MAGI1: variants seen among roughly 807,000 people sequenced by gnomAD.
MAGI1 encodes membrane associated guanylate kinase, WW and PDZ domain containing 1.
In MAGI1, 58 loss-of-function variants were observed where a neutral mutation model predicts 139.9. The ratio of observed to expected loss-of-function variants is 0.41; its 90% confidence interval spans 0.34 to 0.52. MAGI1 has a LOEUF of 0.52. Ranked by LOEUF, MAGI1 falls within the 20% of genes least tolerant of loss-of-function variation. The pLI, the probability that MAGI1 is intolerant of heterozygous loss-of-function variation, is 0.12. For missense variants in MAGI1, 1,874 were observed against 1,901.6 expected, an observed-to-expected ratio of 0.99 and a Z score of 0.27; for synonymous variants, 812 against 737.9, an observed-to-expected ratio of 1.10 and a Z score of -1.63.
intron 1 of MAGI1, among the ~76,000 whole-genome samples, chr3:66,015,844 G>C (rs919688383): frequency 2.0e-5 from 3 of 152,138 alleles, no homozygotes; most frequent in African/African-American, 7.2e-5. Flanking sequence ...AATCATTCTA[G>C]AACACTAAAG....
intron 14 of MAGI1, among the ~76,000 whole-genome samples, chr3:65,384,647 C>A (rs757623826): frequency 1.1e-4 from 16 of 152,218 alleles, no homozygotes; most frequent in Admixed American, 2.6e-4. Flanking sequence ...GTGGGAGAAT[C>A]ACTTGAGCCA....
At chr3:65,986,955 C>A (rs562727577) in intron 1 of MAGI1, among the ~76,000 whole-genome samples, 33 of 151,466 alleles carry the variant, frequency 2.2e-4, no homozygotes, top group African/African-American at 7.0e-4. Context: ...ACTGTAACCT[C>A]CACTTCCCAG....
At chr3:65,762,278 C>G (rs1356978761) in intron 1 of MAGI1, among the ~76,000 whole-genome samples, 1 of 152,100 alleles carries the variant, frequency 6.6e-6, no homozygotes, top group East Asian at 1.9e-4. Context: ...TCCTTGAACA[C>G]CCATTTCTTC....
chr3:65,459,004 T>G (rs1949592841), intron 5 of MAGI1, among the ~76,000 whole-genome samples: 1 of 152,204 alleles, frequency 6.6e-6, no homozygotes, highest in African/African-American at 2.4e-5. Flanking sequence ...TGGGATAGTT[T>G]CATTCATCTG....
chr3:65,906,906 C>T (rs1164280631), intron 1 of MAGI1, among the ~76,000 whole-genome samples: 1 of 150,422 alleles, frequency 6.6e-6, no homozygotes, highest in Non-Finnish European at 1.5e-5. Context: ...AAAAAATCTA[C>T]AGACATCCTA....
chr3:65,781,473 T>C (rs2038926977), intron 1 of MAGI1, among the ~76,000 whole-genome samples: 1 of 152,208 alleles, frequency 6.6e-6, no homozygotes, highest in South Asian at 2.1e-4. Flanking sequence ...TGTACAGGTT[T>C]GTTATATATA....
At chr3:65,473,788 T>C (rs1337045446) in intron 4 of MAGI1, among the ~76,000 whole-genome samples, 2 of 152,048 alleles carry the variant, frequency 1.3e-5, no homozygotes, top group Non-Finnish European at 2.9e-5. Context: ...TACTTTAAAT[T>C]ATCCAAGTAT....
intron 1 of MAGI1, among the ~76,000 whole-genome samples, chr3:65,768,170 A>G (rs1413572522): frequency 6.6e-6 from 1 of 152,248 alleles, no homozygotes; most frequent in Non-Finnish European, 1.5e-5. Context: ...CTGTAATCCC[A>G]GCACTTTGGG....
intron 1 of MAGI1, among the ~76,000 whole-genome samples, chr3:66,015,700 A>C (rs2067598908): frequency 6.6e-6 from 1 of 152,194 alleles, no homozygotes; most frequent in East Asian, 1.9e-4. Flanking sequence ...ATAAATGTCT[A>C]GTAGCTTAAT....
At chr3:65,539,137 T>C (rs567432849) in intron 2 of MAGI1, among the ~76,000 whole-genome samples, 1 of 151,478 alleles carries the variant, frequency 6.6e-6, no homozygotes, top group Admixed American at 6.6e-5. Context: ...AACAGACACA[T>C]GTACCAACTA....
intron 1 of MAGI1, among the ~76,000 whole-genome samples, chr3:65,868,107 C>T (rs755929484): frequency 3.9e-5 from 6 of 152,150 alleles, no homozygotes; most frequent in East Asian, 1.9e-4. Flanking sequence ...GAAAGAAAGA[C>T]GCTCCAGTGC....
At chr3:65,633,733 GT>G (rs1394064331) in intron 1 of MAGI1, among the ~76,000 whole-genome samples, 1 of 151,686 alleles carries the variant, frequency 6.6e-6, no homozygotes, top group Non-Finnish European at 1.5e-5. Context: ...AATAACATCT[GT>G]TCAGAAAAAA....
chr3:66,003,474 G>T (rs1318222921), intron 1 of MAGI1, among the ~76,000 whole-genome samples: 1 of 151,954 alleles, frequency 6.6e-6, no homozygotes, highest in Non-Finnish European at 1.5e-5. Flanking sequence ...GCCCAACATG[G>T]TGAAACCTCG....
intron 1 of MAGI1, among the ~76,000 whole-genome samples, chr3:65,748,374 C>A (rs978700053): frequency 1.3e-5 from 2 of 152,228 alleles, no homozygotes; most frequent in East Asian, 1.9e-4. Flanking sequence ...AAGTTCAAGT[C>A]TTTTGGGGAT....
intron 1 of MAGI1, among the ~76,000 whole-genome samples, chr3:65,673,533 C>A (rs2086993545): frequency 6.6e-6 from 1 of 152,198 alleles, no homozygotes; most frequent in African/African-American, 2.4e-5. Flanking sequence ...CAGAGATACT[C>A]CTACTCCAAT....
intron 2 of MAGI1, among the ~76,000 whole-genome samples, chr3:65,529,958 C>T (rs1017012777): frequency 7.2e-5 from 11 of 152,150 alleles, no homozygotes; most frequent in African/African-American, 2.7e-4. Context: ...CCCACCTTCA[C>T]ATTTGGAATG....
At chr3:65,564,018 T>C (rs1174215974) in intron 2 of MAGI1, among the ~76,000 whole-genome samples, 1 of 152,150 alleles carries the variant, frequency 6.6e-6, no homozygotes, top group Non-Finnish European at 1.5e-5. Flanking sequence ...CATTTAGGCT[T>C]TCATGCAACT....
At chr3:66,011,882 A>G (rs1290551739) in intron 1 of MAGI1, among the ~76,000 whole-genome samples, 3 of 151,598 alleles carry the variant, frequency 2.0e-5, no homozygotes, top group African/African-American at 7.3e-5. Context: ...AAGTATGGCC[A>G]GGTAATAGTA....
chr3:65,782,919 AAG>A (rs913987568), intron 1 of MAGI1, among the ~76,000 whole-genome samples: 13 of 151,746 alleles, frequency 8.6e-5, no homozygotes, highest in Non-Finnish European at 1.8e-4. Context: ...AAAAAAAAAA[AAG>A]AGAAAAATCA....
Sources: allele counts gnomAD v4.1 joint callset (sites outside exome capture counted in the v4.1 genomes callset), GRCh38; gene constraint gnomAD v4.1.1; transcripts MANE v1.5; gene names NCBI Gene and HGNC (gene_info 2026-07-23, HGNC 2026-07-21).